Variants in MTUS1 observed in about 807,000 individuals in gnomAD.
MTUS1 encodes the protein microtubule associated scaffold protein 1.
MTUS1 carries 109 observed loss-of-function variants against 120.8 expected under a neutral mutation model. That is an observed-to-expected ratio of 0.90 (90% CI 0.77 to 1.06). The LOEUF (loss-of-function observed/expected upper bound fraction) is 1.06, where lower values mean the gene tolerates loss of function less well. MTUS1 is among the 50% of genes least tolerant of loss of function. The probability of loss-of-function intolerance (pLI) is 0.00; values close to 1 mark genes in which losing one functional copy is unlikely to be tolerated. For missense variants in MTUS1, 2,210 were observed against 1,486.3 expected (o/e 1.49, Z -8.01); for synonymous variants, 737 against 550.5 (o/e 1.34, Z -4.74).
chr8:17,757,421 G>A (rs1016336195), intron 1 of MTUS1, among the ~76,000 whole-genome samples: 22 of 152,200 alleles, frequency 1.4e-4, no homozygotes, highest in African/African-American at 4.6e-4. Flanking sequence ...ATGTACTGAT[G>A]ATGGCTGCAC....
intron 1 of MTUS1, chr8:17,780,862 T>C (rs1016236749): frequency 1.3e-5 from 2 of 152,164 alleles, no homozygotes; most frequent in African/African-American, 4.8e-5. Context: ...AGACAATAAT[T>C]AGCAACAGAC....
chr8:17,717,372 C>T (rs967524184), intron 4 of MTUS1, among the ~76,000 whole-genome samples: 2 of 152,138 alleles, frequency 1.3e-5, no homozygotes, highest in South Asian at 2.1e-4. Context: ...TCAACAGAAC[C>T]CTTTTTAGAT....
At position 17,779,796 on chromosome 8, in the gene MTUS1, G is replaced by C. The variant is rs113988018; in HGVS notation, c.-155+21265C>G. On this transcript the variant is annotated intron_variant, in intron 1 of 14. Transcript: ENST00000693296. The stretch of plus-strand genomic sequence containing the variant: ...CATCCAAGTGTTGGAGGGGGGGCGG[G>C]GGCAGCCCCTTATTCCTTCTCTTCC... 7.9e-5 allele frequency among the ~76,000 whole-genome samples: 12 copies of C among 152,270 alleles called. 1 individual carries two copies. Among genetic ancestry groups the C allele is most frequent in the South Asian group, 2.1e-4 (1 of 4,822 alleles).
chr8:17,694,098 G>A (rs887343029), intron 6 of MTUS1, among the ~76,000 whole-genome samples: 3 of 152,074 alleles, frequency 2.0e-5, no homozygotes, highest in Non-Finnish European at 2.9e-5. Context: ...TTTTGTGTGT[G>A]GTTTTTTAAA....
chr8:17,753,978 C>A lies in MTUS1; in HGVS notation c.1830G>T (p.Ser610=), dbSNP rs754296950. 6.2e-7 allele frequency: 1 copy of A among 1,614,146 alleles called. No homozygotes were observed. Among genetic ancestry groups the A allele is most frequent in the Non-Finnish European group, 8.5e-7 (1 of 1,180,022 alleles). Residue 610 remains serine, a synonymous_variant, in exon 2 of 15, where the codon TCG becomes TCT. Coordinates refer to ENST00000693296, the MANE Select transcript of MTUS1 (RefSeq NM_001363059.2). The part of the protein sequence containing the change: ...RVPRTTSAVK[S]NQEDVDKASS... The stretch of plus-strand genomic sequence containing the variant: ...TGGCTTTGTCAACATCTTCCTGATT[C>A]GATTTCACGGCAGATGTTGTTCTTG...
intron 8 of MTUS1, among the ~76,000 whole-genome samples, chr8:17,665,217 T>A (rs945137607): frequency 6.6e-6 from 1 of 152,166 alleles, no homozygotes; most frequent in African/African-American, 2.4e-5. Flanking sequence ...CCAAATTATC[T>A]CCAAATGCCT....
chr8:17,713,333 A>C (rs1821702771), intron 5 of MTUS1, 81 bp from the exon 6 acceptor site: 20 of 898,438 alleles, frequency 2.2e-5, no homozygotes, highest in Non-Finnish European at 1.8e-6. Context: ...GATAAGAATT[A>C]TTTTCAAAAA....
At chr8:17,718,163 AC>A (rs1822692083) in intron 4 of MTUS1, among the ~76,000 whole-genome samples, 1 of 152,172 alleles carries the variant, frequency 6.6e-6, no homozygotes, top group Non-Finnish European at 1.5e-5. Context: ...AAGGATGTAT[AC>A]CACCATGAGT....
At chr8:17,693,346 C>T (rs971338608) in intron 6 of MTUS1, 1 of 152,166 alleles carries the variant, frequency 6.6e-6, no homozygotes, top group Non-Finnish European at 1.5e-5. Flanking sequence ...GACAAATTCA[C>T]TCTTTTCCTC....
chr8:17,753,960 G>A lies in MTUS1; in HGVS notation c.1848C>T (p.Asp616=), dbSNP rs184219006. 7.9e-4 allele frequency: 1,279 copies of A among 1,614,188 alleles called. 18 individuals are homozygous for A. The highest frequency in any genetic ancestry group is 6.6e-4 in the Middle Eastern group (4 of 6,062). The change falls in exon 2 of 15, where the codon GAC becomes GAT. Residue 616 remains aspartate (D), a synonymous_variant. Transcript: ENST00000693296. ...SAVKSNQEDV[D]KASSSNSACE... Reference sequence around the variant, plus strand: ...ATGCTGAGTTAGAAGAACTGGCTTTGTCAACATCTTCCTGATTCGATTTCA... The same window carrying A: ...ATGCTGAGTTAGAAGAACTGGCTTTATCAACATCTTCCTGATTCGATTTCA...
chr8:17,669,203 G>T (rs1361379555), intron 8 of MTUS1, among the ~76,000 whole-genome samples: 1 of 152,210 alleles, frequency 6.6e-6, no homozygotes, highest in African/African-American at 2.4e-5. Context: ...AGAAGGCACA[G>T]TTAACTTACT....
chr8:17,797,795 A>C (rs2052366389), intron 1 of MTUS1, among the ~76,000 whole-genome samples: 1 of 152,132 alleles, frequency 6.6e-6, no homozygotes, highest in African/African-American at 2.4e-5. Context: ...CTTACGCTCT[A>C]AGCTTGGGGA....
At chr8:17,776,150 A>C (rs2050411651) in intron 1 of MTUS1, among the ~76,000 whole-genome samples, 1 of 152,204 alleles carries the variant, frequency 6.6e-6, no homozygotes, top group Non-Finnish European at 1.5e-5. Context: ...GGAGAAAAAA[A>C]AACAACAATA....
chr8:17,771,052 T>G (rs1018667647), intron 1 of MTUS1, among the ~76,000 whole-genome samples: 2 of 152,210 alleles, frequency 1.3e-5, no homozygotes, highest in East Asian at 3.9e-4. Context: ...AATTTAGATG[T>G]AAGGAATAAC....
Position 17,711,205 on chromosome 8 carries a change from T to C in MTUS1, c.2623+2009A>G, listed in dbSNP as rs1821236891. On this transcript the variant is annotated intron_variant, in intron 6 of 14. Coordinates refer to ENST00000693296, the MANE Select transcript of MTUS1 (RefSeq NM_001363059.2). ...GCTTCTAATAAGACAGCTTGTCATC[T>C]GAAGCCAGGCACTGACTTCTCCTGT... is the stretch of plus-strand genomic sequence containing the variant. Among the ~76,000 whole-genome samples, 2 of 152,232 alleles carry C rather than the reference T, an allele frequency of 1.3e-5. 1 individual carries two copies. Among genetic ancestry groups the C allele is most frequent in the South Asian group, 4.1e-4 (2 of 4,832 alleles).
At chr8:17,780,927 C>T (rs1471285785) in intron 1 of MTUS1, 1 of 152,188 alleles carries the variant, frequency 6.6e-6, no homozygotes, top group Admixed American at 6.5e-5. Context: ...GGAGTGCTCA[C>T]TGCCATGACA....
chr8:17,734,358 T>G (rs2046790333), intron 3 of MTUS1: 1 of 152,210 alleles, frequency 6.6e-6, no homozygotes, highest in African/African-American at 2.4e-5. Context: ...CCTCATTTGC[T>G]TAAATTCAAG....
At chr8:17,757,757 C>T (rs28678939) in intron 1 of MTUS1, among the ~76,000 whole-genome samples, 3,227 of 152,202 alleles carry the variant, frequency 0.021, 100 homozygotes, top group African/African-American at 0.074. Context: ...GAACTCCTGA[C>T]CTCAGGTAAT....
chr8:17,765,099 C>T lies in MTUS1; in HGVS notation c.-154-9138G>A, dbSNP rs1486989016. On this transcript the variant is annotated intron_variant, in intron 1 of 14. Transcript: ENST00000693296. ...GCATTAGATTCTCATAAGTAGCTCG[C>T]AACCTAGATACCTCGCATGCACAGT... Among the ~76,000 whole-genome samples the T allele has an allele frequency of 2.6e-5, 4 of 152,156 alleles. No homozygotes were observed. In the East Asian group the frequency reaches 7.7e-4, roughly 29 times the overall value.
Sources: gnomAD v4.1 joint callset for allele counts (sites outside exome capture counted in the v4.1 genomes callset) on GRCh38, gnomAD v4.1.1 for gene constraint, MANE v1.5 for transcripts, NCBI Gene and HGNC (gene_info 2026-07-23, HGNC 2026-07-21) for gene names.